Variants in THSD4 observed in about 807,000 individuals in gnomAD.
THSD4 encodes the protein thrombospondin type-1 domain-containing protein 4.
THSD4 carries 69 observed loss-of-function variants against 119.0 expected under a neutral mutation model. The ratio of observed to expected loss-of-function variants is 0.58; its 90% CI spans 0.48 to 0.71. The LOEUF is 0.71. Among genes scored for constraint, THSD4 ranks in the 30% least tolerant of loss-of-function variants. THSD4 has a pLI of 0.00. For missense variants in THSD4, 1,393 were observed against 1,391.1 expected, an observed-to-expected ratio of 1.00 and a Z score of -0.02; for synonymous variants, 524 against 540.4, an observed-to-expected ratio of 0.97 and a Z score of 0.42.
At chr15:71,531,076 T>G (rs957527020) in intron 7 of THSD4, among the ~76,000 whole-genome samples, 10 of 151,964 alleles carry the variant, frequency 6.6e-5, no homozygotes, top group Non-Finnish European at 1.3e-4. Flanking sequence ...GGGATGAGTT[T>G]AGAGCCATAG....
At chr15:71,273,274 G>A (rs1386332743) in intron 6 of THSD4, among the ~76,000 whole-genome samples, 2 of 152,200 alleles carry the variant, frequency 1.3e-5, no homozygotes, top group African/African-American at 4.8e-5. Context: ...GTTATGCTAT[G>A]TGAAATAAGC....
At chr15:71,315,837 T>TA (rs1310155322) in intron 6 of THSD4, among the ~76,000 whole-genome samples, 1 of 152,178 alleles carries the variant, frequency 6.6e-6, no homozygotes, top group African/African-American at 2.4e-5. Flanking sequence ...GCACAAGGAA[T>TA]AAAAATATAT....
intron 7 of THSD4, among the ~76,000 whole-genome samples, chr15:71,438,847 C>T (rs528281054): frequency 6.6e-6 from 1 of 152,284 alleles, no homozygotes; most frequent in South Asian, 2.1e-4. Flanking sequence ...TTTCTTTGTT[C>T]ATCACTTGGA....
At chr15:71,463,446 C>T (rs747242009) in intron 7 of THSD4, among the ~76,000 whole-genome samples, 6 of 152,166 alleles carry the variant, frequency 3.9e-5, no homozygotes, top group Admixed American at 2.0e-4. Context: ...TCATCTGGTC[C>T]GCATTTCTCC....
At chr15:71,588,509 G>A (rs972659843) in intron 7 of THSD4, among the ~76,000 whole-genome samples, 7 of 151,692 alleles carry the variant, frequency 4.6e-5, no homozygotes, top group African/African-American at 7.3e-5. Context: ...CCACAGCCTC[G>A]ACCTCCTAAG....
chr15:71,744,561 T>G (rs990534174), intron 11 of THSD4, among the ~76,000 whole-genome samples: 1 of 152,326 alleles, frequency 6.6e-6, no homozygotes, highest in Non-Finnish European at 1.5e-5. Context: ...TAAATGTACC[T>G]GGTGTAGCAG....
intron 7 of THSD4, among the ~76,000 whole-genome samples, chr15:71,592,305 C>A (rs2049822250): frequency 6.6e-6 from 1 of 152,176 alleles, no homozygotes. Context: ...GCAGTGAAGC[C>A]CATGATGGGC....
intron 8 of THSD4, among the ~76,000 whole-genome samples, chr15:71,693,405 G>A (rs2052095298): frequency 6.6e-6 from 1 of 152,172 alleles, no homozygotes; most frequent in African/African-American, 2.4e-5. Flanking sequence ...CCAGCACTTT[G>A]GGAGGCCAAG....
intron 7 of THSD4, among the ~76,000 whole-genome samples, chr15:71,453,519 C>G (rs747190964): frequency 2.0e-5 from 3 of 152,156 alleles, no homozygotes; most frequent in African/African-American, 7.2e-5. Context: ...TATTTGGTGA[C>G]AGGAGCAGAT....
intron 6 of THSD4, among the ~76,000 whole-genome samples, chr15:71,400,653 C>G (rs193073678): frequency 1.3e-5 from 2 of 152,226 alleles, no homozygotes; most frequent in East Asian, 3.9e-4. Flanking sequence ...TTTGAGCAAG[C>G]ACCTTATTTT....
chr15:71,731,297 C>T (rs1595897912), intron 10 of THSD4, 80 bp downstream of exon 10: 1 of 1,362,018 alleles, frequency 7.3e-7, no homozygotes, highest in East Asian at 2.3e-5. Flanking sequence ...TGTGCATCCA[C>T]CCTCTGTCTC....
At chr15:71,554,331 G>A (rs1595881109) in intron 7 of THSD4, among the ~76,000 whole-genome samples, 5 of 151,118 alleles carry the variant, frequency 3.3e-5, no homozygotes, top group African/African-American at 1.2e-4. Flanking sequence ...TCCTGACCTC[G>A]TGATCTGCCC....
chr15:71,487,835 A>C (rs922948508), intron 7 of THSD4, among the ~76,000 whole-genome samples: 1 of 152,184 alleles, frequency 6.6e-6, no homozygotes, highest in African/African-American at 2.4e-5. Flanking sequence ...GTTTATAAAT[A>C]TGAAAGTTAT....
chr15:71,126,075 G>A (rs983790449), intron 1 of THSD4, among the ~76,000 whole-genome samples: 7 of 152,220 alleles, frequency 4.6e-5, no homozygotes, highest in African/African-American at 1.7e-4. Context: ...CCAAGGGCAT[G>A]GGCGTTGAGC....
At chr15:71,177,795 T>C (rs573302660) in intron 3 of THSD4, among the ~76,000 whole-genome samples, 3 of 147,028 alleles carry the variant, frequency 2.0e-5, no homozygotes, top group Non-Finnish European at 3.0e-5. Flanking sequence ...TCCACCATGA[T>C]CAAGTGGGCT....
rs1028159587 is a variant in THSD4 at position 71,451,128 on chromosome 15, A to G, written c.1152+39305A>G. Among the ~76,000 whole-genome samples the G allele has an allele frequency of 9.9e-5, 15 of 152,272 alleles. No homozygotes were observed. The East Asian group carries it at 2.9e-3, about 29-fold the overall frequency. ...GGGAGGCAGAGGTTGCAGTGAGCCA[A>G]GGTCACAACACTGCACTCCAGCCTG... is the stretch of plus-strand genomic sequence containing the variant. On this transcript the variant is annotated intron_variant, in intron 7 of 17. Transcript: ENST00000261862.
chr15:71,624,538 T>C (rs1462000650), intron 7 of THSD4, among the ~76,000 whole-genome samples: 1 of 152,208 alleles, frequency 6.6e-6, no homozygotes, highest in Non-Finnish European at 1.5e-5. Flanking sequence ...AAGTAATCAA[T>C]ATGGAAGGCA....
intron 7 of THSD4, among the ~76,000 whole-genome samples, chr15:71,656,295 G>A (rs1253582386): frequency 3.3e-5 from 5 of 152,188 alleles, no homozygotes; most frequent in Admixed American, 6.5e-5. Flanking sequence ...AGATATTATC[G>A]TTAGGGAAAG....
intron 7 of THSD4, among the ~76,000 whole-genome samples, chr15:71,455,679 C>T (rs1481867895): frequency 1.3e-5 from 2 of 152,064 alleles, no homozygotes; most frequent in African/African-American, 4.8e-5. Context: ...GGATGTAATC[C>T]GTTCCAGATG....
Sources: gnomAD v4.1 joint callset for allele counts (sites outside exome capture counted in the v4.1 genomes callset) on GRCh38, gnomAD v4.1.1 for gene constraint, MANE v1.5 for transcripts, NCBI Gene and HGNC (gene_info 2026-07-23, HGNC 2026-07-21) for gene names.